SCAPER: variants seen among roughly 807,000 people sequenced by gnomAD.
SCAPER encodes the protein S phase cyclin A-associated protein in the endoplasmic reticulum.
Under a neutral mutation model 182.2 loss-of-function variants are expected in SCAPER, and 98 were observed. That is an observed-to-expected ratio of 0.54 (90% CI 0.46 to 0.64). The LOEUF (loss-of-function observed/expected upper bound fraction) is 0.64, where lower values mean the gene tolerates loss of function less well. Among genes scored for constraint, SCAPER ranks in the 30% least tolerant of loss-of-function variants. SCAPER has a pLI of 0.00. For synonymous variants in SCAPER, 605 were observed against 564.6 expected, an observed-to-expected ratio of 1.07 and a Z score of -1.01; for missense variants, 1,432 against 1,690.0, an observed-to-expected ratio of 0.85 and a Z score of 2.68.
At chr15:76,847,576 G>A (rs2070244094) in intron 4 of SCAPER, among the ~76,000 whole-genome samples, 1 of 152,224 alleles carries the variant, frequency 6.6e-6, no homozygotes, top group South Asian at 2.1e-4. Context: ...AGTATCTCAT[G>A]TACCCCATAA....
chr15:76,465,011 G>T (rs1399624607), intron 25 of SCAPER, among the ~76,000 whole-genome samples: 1 of 151,984 alleles, frequency 6.6e-6, no homozygotes, highest in Non-Finnish European at 1.5e-5. Context: ...TCATATACGT[G>T]TTGTTCAACT....
At chr15:76,544,989 T>G (rs574902939) in intron 23 of SCAPER, among the ~76,000 whole-genome samples, 1 of 152,252 alleles carries the variant, frequency 6.6e-6, no homozygotes, top group African/African-American at 2.4e-5. Context: ...ATCAACTACT[T>G]GGCTACCCTG....
At chr15:76,686,046 A>G (rs1007020789) in intron 20 of SCAPER, among the ~76,000 whole-genome samples, 2 of 152,068 alleles carry the variant, frequency 1.3e-5, no homozygotes, top group Admixed American at 1.3e-4. Context: ...CACAAAAAGT[A>G]CTATCTATAA....
At chr15:76,896,058 C>G (rs1014901811) in intron 1 of SCAPER, among the ~76,000 whole-genome samples, 8 of 151,148 alleles carry the variant, frequency 5.3e-5, no homozygotes, top group African/African-American at 1.9e-4. Flanking sequence ...AAAAAAAATC[C>G]CATTTACAAT....
intron 17 of SCAPER, among the ~76,000 whole-genome samples, chr15:76,719,856 C>A (rs1354807990): frequency 6.6e-6 from 1 of 151,072 alleles, no homozygotes; most frequent in Non-Finnish European, 1.5e-5. Flanking sequence ...TAAAAAAAAT[C>A]TAAGATTAAT....
intron 23 of SCAPER, among the ~76,000 whole-genome samples, chr15:76,513,941 A>AT (rs1166059289): frequency 3.3e-5 from 5 of 152,072 alleles, no homozygotes; most frequent in East Asian, 1.9e-4. Context: ...ATTTAGCTGT[A>AT]TTTTTTTGTG....
chr15:76,814,167 CA>C (rs897513368), intron 5 of SCAPER, among the ~76,000 whole-genome samples: 35 of 146,326 alleles, frequency 2.4e-4, no homozygotes, highest in African/African-American at 6.7e-4. Flanking sequence ...GACTCCATCT[CA>C]AAAAAAAAAA....
intron 27 of SCAPER, among the ~76,000 whole-genome samples, chr15:76,390,517 G>A (rs566267967): frequency 1.3e-5 from 2 of 152,270 alleles, no homozygotes; most frequent in South Asian, 2.1e-4. Flanking sequence ...TTAGGAAAAC[G>A]AAGGGTGAAT....
intron 17 of SCAPER, among the ~76,000 whole-genome samples, chr15:76,720,817 G>C (rs1408402911): frequency 6.6e-6 from 1 of 152,052 alleles, no homozygotes; most frequent in Non-Finnish European, 1.5e-5. Flanking sequence ...TGTAGATTCT[G>C]GATATTAGCC....
At chr15:76,651,509 A>G (rs895220209) in intron 21 of SCAPER, among the ~76,000 whole-genome samples, 45 of 152,164 alleles carry the variant, frequency 3.0e-4, no homozygotes, top group African/African-American at 9.9e-4. Context: ...CATTTTTTCA[A>G]TGCAAGCACA....
At chr15:76,739,816 C>T (rs1008178989) in intron 15 of SCAPER, among the ~76,000 whole-genome samples, 140 of 152,232 alleles carry the variant, frequency 9.2e-4, no homozygotes, top group Middle Eastern at 3.4e-3. Flanking sequence ...GTAACACTAT[C>T]ACAGAATTAC....
At chr15:76,833,566 T>A (rs2068688651) in intron 5 of SCAPER, among the ~76,000 whole-genome samples, 1 of 151,872 alleles carries the variant, frequency 6.6e-6, no homozygotes. Flanking sequence ...AGGCACAGAG[T>A]GGTGAGCTGG....
At chr15:76,633,438 G>A (rs1350799490) in intron 21 of SCAPER, among the ~76,000 whole-genome samples, 1 of 152,214 alleles carries the variant, frequency 6.6e-6, no homozygotes, top group East Asian at 1.9e-4. Context: ...TAAGCAGTCT[G>A]GCTGCCCCTT....
At chr15:76,657,801 C>A (rs1408355088) in intron 21 of SCAPER, among the ~76,000 whole-genome samples, 2 of 151,994 alleles carry the variant, frequency 1.3e-5, no homozygotes, top group Non-Finnish European at 2.9e-5. Context: ...ATACACAAAA[C>A]TAAAAACAAA....
intron 24 of SCAPER, among the ~76,000 whole-genome samples, chr15:76,497,946 G>A (rs564577239): frequency 8.0e-6 from 1 of 124,314 alleles, no homozygotes; most frequent in South Asian, 2.7e-4. Flanking sequence ...AGCCGAGATT[G>A]TGCCACTGCA....
chr15:76,789,939 A>T (rs889186756), intron 8 of SCAPER, among the ~76,000 whole-genome samples: 1 of 152,158 alleles, frequency 6.6e-6, no homozygotes, highest in Non-Finnish European at 1.5e-5. Context: ...AAATATTTAC[A>T]TCAATGGGGC....
chr15:76,875,716 C>T (rs1309878672), intron 2 of SCAPER, among the ~76,000 whole-genome samples: 3 of 152,178 alleles, frequency 2.0e-5, no homozygotes, highest in Non-Finnish European at 4.4e-5. Context: ...TTCTGATGTT[C>T]GGATGTGTTG....
rs114960799 is a variant in SCAPER, at chr15:76,507,364, A to G, written c.2839-2390T>C. Among the ~76,000 whole-genome samples the G allele has an allele frequency of 3.6e-3, 550 of 152,234 alleles. 2 individuals are homozygous for G. Among genetic ancestry groups the G allele is most frequent in the African/African-American group, 0.013 (528 of 41,532 alleles). The stretch of plus-strand genomic sequence containing the variant: ...CTTGGACTTCCAGCATCTAAAACCG[A>G]GGGAAAATCAATTTCTGTTGTTTAA... On this transcript the variant is annotated intron_variant, in intron 23 of 31. Coordinates refer to ENST00000563290, the MANE Select transcript of SCAPER (RefSeq NM_020843.4).
intron 5 of SCAPER, among the ~76,000 whole-genome samples, chr15:76,821,454 A>G (rs113283931): frequency 6.6e-6 from 1 of 152,144 alleles, no homozygotes; most frequent in East Asian, 1.9e-4. Context: ...CTCCATCTCT[A>G]CAAAAAAAAT....
Sources: allele counts gnomAD v4.1 joint callset (sites outside exome capture counted in the v4.1 genomes callset), GRCh38; gene constraint gnomAD v4.1.1; transcripts MANE v1.5; gene names NCBI Gene and HGNC (gene_info 2026-07-23, HGNC 2026-07-21).